Variants in DPYSL4 observed in about 807,000 individuals in gnomAD.
The protein encoded by DPYSL4 is dihydropyrimidinase-related protein 4.
DPYSL4 carries 43 observed loss-of-function variants against 63.4 expected under a neutral mutation model. The ratio of observed to expected loss-of-function variants is 0.68; its 90% confidence interval spans 0.53 to 0.88. The LOEUF (loss-of-function observed/expected upper bound fraction) is 0.88, where lower values mean the gene tolerates loss of function less well. Ranked by LOEUF, DPYSL4 falls within the 40% of genes least tolerant of loss-of-function variation. The pLI is 0.00. For missense variants in DPYSL4, 733 were observed against 819.5 expected, an observed-to-expected ratio of 0.89 and a Z score of 1.29; for synonymous variants, 353 against 331.7, an observed-to-expected ratio of 1.06 and a Z score of -0.70.
intron 13 of DPYSL4, among the ~76,000 whole-genome samples, chr10:132,204,131 C>T (rs911607601): frequency 6.6e-6 from 1 of 152,232 alleles, no homozygotes; most frequent in Admixed American, 6.5e-5. Context: ...CGCTGTCTGC[C>T]CAGGGCAGCT....
At chr10:132,187,537 TC>T (rs2061819696) in intron 1 of DPYSL4, among the ~76,000 whole-genome samples, 1 of 152,006 alleles carries the variant, frequency 6.6e-6, no homozygotes, top group Non-Finnish European at 1.5e-5. Flanking sequence ...CCCGGGCTGG[TC>T]CGGGGCGCGG....
intron 10 of DPYSL4, among the ~76,000 whole-genome samples, chr10:132,201,478 T>C (rs999744714): frequency 1.3e-5 from 2 of 152,210 alleles, no homozygotes; most frequent in African/African-American, 4.8e-5. Context: ...AGCTCCACTC[T>C]CGCTGAACCT....
rs1236999360 is a variant in DPYSL4 at position 132,202,727 on chromosome 10, G to C, written c.1363G>C (p.Glu455Gln). The change falls in exon 12 of 14, where the codon GAG becomes CAG. Residue 455 changes from glutamate to glutamine, a missense_variant. Physicochemically the swap from Glu to Gln is conservative, Grantham distance 29. Coordinates refer to ENST00000338492, the MANE Select transcript of DPYSL4 (RefSeq NM_006426.3). Reference sequence around the variant, plus strand: ...CATAAGTCAGGGCCGAGTGGCGCTGGAGGACGGGAAGATGTTTGTCACCCC... The same window carrying C: ...CATAAGTCAGGGCCGAGTGGCGCTGCAGGACGGGAAGATGTTTGTCACCCC... ...VVISQGRVAL[E>Q]DGKMFVTPGA... 5 of 1,613,454 alleles carry C rather than the reference G, an allele frequency of 3.1e-6. No homozygotes were observed. Among genetic ancestry groups the C allele is most frequent in the Non-Finnish European group, 4.2e-6 (5 of 1,179,986 alleles).
intron 4 of DPYSL4, among the ~76,000 whole-genome samples, chr10:132,195,968 G>T (rs1336944206): frequency 6.6e-6 from 1 of 152,238 alleles, no homozygotes; most frequent in Non-Finnish European, 1.5e-5. Context: ...ACGGGGTAGT[G>T]TTGCAGGGAC....
Position 132,192,861 on chromosome 10 carries a change from T to C in DPYSL4, c.313+19T>C. On this transcript the variant is annotated intron_variant, in intron 3 of 13. Coordinates refer to ENST00000338492, the MANE Select transcript of DPYSL4 (RefSeq NM_006426.3). Reference sequence around the variant, plus strand: ...ATGATCTGTGAGTGTCTGGGTCTCCTCCTCTACAGGGGGCAGCCAGCGTCT... The same window carrying C: ...ATGATCTGTGAGTGTCTGGGTCTCCCCCTCTACAGGGGGCAGCCAGCGTCT... 6.3e-7 allele frequency: 1 copy of C among 1,587,058 alleles called. No individual in the cohort carries two copies.
intron 8 of DPYSL4, among the ~76,000 whole-genome samples, chr10:132,199,376 G>A (rs1415082917): frequency 1.3e-5 from 2 of 152,180 alleles, no homozygotes; most frequent in Non-Finnish European, 2.9e-5. Context: ...GCCAGCTGGA[G>A]CCTGGCACTG....
intron 12 of DPYSL4, among the ~76,000 whole-genome samples, chr10:132,203,157 G>A (rs532026073): frequency 1.1e-4 from 17 of 152,364 alleles, no homozygotes; most frequent in African/African-American, 4.1e-4. Flanking sequence ...CCCCACGGGA[G>A]CTGCCCAGTT....
chr10:132,192,519 C>T lies in DPYSL4; in HGVS notation c.129-139C>T, dbSNP rs113407635. The T allele has an allele frequency of 2.3e-5, 33 of 1,417,628 alleles. No homozygotes were observed. The African/African-American group carries it at 4.0e-4, about 17-fold the overall frequency. 87.8% of individuals were successfully genotyped at this position (1,417,628 alleles called of 1,614,324 possible). On this transcript the variant is annotated intron_variant, in intron 2 of 13. Transcript: ENST00000338492. ...CCCTGGCACTCCCGAGGAGCTAGTC[C>T]AGTGAGTGGCCGGCCGTGCTGGCCT... is the stretch of plus-strand genomic sequence containing the variant.
chr10:132,192,842 TGTGA>T lies in DPYSL4; in HGVS notation c.313+4_313+7del. On this transcript the variant is annotated splice_donor_variant and splice_donor_region_variant and intron_variant, in intron 3 of 13. Coordinates refer to ENST00000338492, the MANE Select transcript of DPYSL4 (RefSeq NM_006426.3). LOFTEE classifies it high-confidence loss of function. ...GCTAGCAGGAGGAACCACCATGATCTGTGAGTGTCTGGGTCTCCTCCTCTACAGG... is the reference window on the plus strand; with the variant it reads ...GCTAGCAGGAGGAACCACCATGATCTGTGTCTGGGTCTCCTCCTCTACAGG... 6.2e-7 allele frequency: 1 copy of T among 1,605,596 alleles called. No homozygotes were observed. Among genetic ancestry groups the T allele is most frequent in the Non-Finnish European group, 8.5e-7 (1 of 1,175,820 alleles).
chr10:132,197,032 C>T lies in DPYSL4; in HGVS notation c.552C>T (p.Ile184=), dbSNP rs772648880. The stretch of plus-strand genomic sequence containing the variant: ...ACTTCTCTTCCCAGATGTACGAGAT[C>T]TTCAGCATCATCCGGGACCTGGGGG... The part of the protein sequence containing the change: ...CQCSDSQMYE[I]FSIIRDLGAL... The change falls in exon 6 of 14, where the codon ATC becomes ATT. Residue 184 remains isoleucine (I), a synonymous_variant. Coordinates refer to ENST00000338492, the MANE Select transcript of DPYSL4 (RefSeq NM_006426.3). 5.6e-6 allele frequency: 9 copies of T among 1,604,506 alleles called. No individual in the cohort carries two copies. Among genetic ancestry groups the T allele is most frequent in the Non-Finnish European group, 6.8e-6 (8 of 1,174,586 alleles).
intron 1 of DPYSL4, among the ~76,000 whole-genome samples, chr10:132,189,227 G>A (rs562309062): frequency 7.9e-5 from 12 of 152,378 alleles, no homozygotes; most frequent in African/African-American, 1.4e-4. Context: ...GTTGCAGGGC[G>A]TGCTGAGGCG....
rs763656593 is a variant in DPYSL4 at position 132,200,842 on chromosome 10, C to T, written c.969C>T (p.Ser323=). 2.2e-5 allele frequency: 35 copies of T among 1,611,452 alleles called. No homozygotes were observed. Among genetic ancestry groups the T allele is most frequent in the Middle Eastern group, 1.7e-4 (1 of 5,948 alleles). Residue 323 remains serine, a splice_region_variant and synonymous_variant, in exon 10 of 14, where the codon AGC becomes AGT. Transcript: ENST00000338492. ...CCCTCTGACCCTGGCTTGTTTCCAG[C>T]GGGGACCTCCAGGTGACAGGCAGCG... ...TADHLTCLLS[S]GDLQVTGSAH...
rs757817249 is a variant in DPYSL4 at position 132,202,605 on chromosome 10, C to T, written c.1282-41C>T. On this transcript the variant is annotated intron_variant, in intron 11 of 13. Coordinates refer to ENST00000338492, the MANE Select transcript of DPYSL4 (RefSeq NM_006426.3). ...CTCAACGGGGATGGGACTGTTGGGCCCCAGCGTGGAGGCACTGGACCCTCG... is the reference window on the plus strand; with the variant it reads ...CTCAACGGGGATGGGACTGTTGGGCTCCAGCGTGGAGGCACTGGACCCTCG... The T allele has an allele frequency of 1.9e-6, 3 of 1,605,670 alleles. No individual in the cohort carries two copies. The South Asian group carries it at 3.3e-5, about 18-fold the overall frequency.
In DPYSL4 at chr10:132,205,333, C is replaced by T. The variant is rs118033472; in HGVS notation, c.*403C>T. The T allele has an allele frequency of 1.4e-3, 231 of 164,774 alleles. No individual in the cohort carries two copies. Among genetic ancestry groups the T allele is most frequent in the Middle Eastern group, 2.9e-3 (1 of 342 alleles). 10.2% of individuals were successfully genotyped at this position (164,774 alleles called of 1,614,324 possible). On this transcript the variant is annotated 3_prime_UTR_variant, in exon 14 of 14. Coordinates refer to ENST00000338492, the MANE Select transcript of DPYSL4 (RefSeq NM_006426.3). ...GTCCCGCCTGGTGGGCATTTGCCGC[C>T]GCCTCCCCACCACCAGTCACTGCCT...
chr10:132,187,332 C>A (rs2061811998), intron 1 of DPYSL4, among the ~76,000 whole-genome samples: 1 of 69,450 alleles, frequency 1.4e-5, no homozygotes, highest in African/African-American at 4.4e-5. Flanking sequence ...CCAGGCCCGG[C>A]CCGGCCCGGC....
Position 132,202,002 on chromosome 10 carries a change from CAA to C in DPYSL4, c.1170_1171del (p.Lys390AsnfsTer16). The C allele has an allele frequency of 6.2e-7, 1 of 1,613,378 alleles. No homozygotes were observed. Among genetic ancestry groups the C allele is most frequent in the Non-Finnish European group, 8.5e-7 (1 of 1,179,976 alleles). ...TCGCGGTGACCAGTACAAATGCTGCCAAAATCTTCAATTTTTACCCAAGGAAG... is the reference window on the plus strand; with the variant it reads ...TCGCGGTGACCAGTACAAATGCTGCCAATCTTCAATTTTTACCCAAGGAAG... ...FVAVTSTNAA[K>X]IFNFYPRKGR... On this transcript the variant is annotated frameshift_variant, in exon 11 of 14. Coordinates refer to ENST00000338492, the MANE Select transcript of DPYSL4 (RefSeq NM_006426.3). LOFTEE classifies it high-confidence loss of function.
In DPYSL4 at chr10:132,187,013, G is replaced by T. The variant is rs1231370342; in HGVS notation, c.-51G>T. The T allele has an allele frequency of 4.0e-5, 3 of 74,130 alleles. No homozygotes were observed. The highest frequency in any genetic ancestry group is 1.8e-4 in the East Asian group (1 of 5,654). The allele number at this position is 74,130 out of a possible 1,614,324, so 4.6% of individuals were successfully genotyped here. ...CACGCGTCCCCCCGCCCGCCCGCCC[G>T]CCCGCCCGCCCCCGCTTGTGCCGCC... is the stretch of plus-strand genomic sequence containing the variant. On this transcript the variant is annotated 5_prime_UTR_variant, in exon 1 of 14. Transcript: ENST00000338492.
rs760997313 is a variant in DPYSL4 at position 132,200,414 on chromosome 10, C to T, written c.870C>T (p.Tyr290=). 5.0e-6 allele frequency: 8 copies of T among 1,613,606 alleles called. No homozygotes were observed. Among genetic ancestry groups the T allele is most frequent in the South Asian group, 1.1e-5 (1 of 91,084 alleles). The part of the protein sequence containing the change: ...TASLGTDGSH[Y]WSKNWAKAAA... The stretch of plus-strand genomic sequence containing the variant: ...GCCTGGGCACCGACGGTTCACACTA[C>T]TGGAGCAAGAACTGGGCCAAGGCCG... The change falls in exon 9 of 14, where the codon TAC becomes TAT. Residue 290 remains tyrosine, a synonymous_variant. Transcript: ENST00000338492.
intron 3 of DPYSL4, 143 bp downstream of exon 3, chr10:132,192,985 G>A (rs1393163607): frequency 1.2e-6 from 1 of 842,048 alleles, no homozygotes; most frequent in African/African-American, 1.7e-5. Context: ...CTGAGAACCT[G>A]GAGTGCTTTT....
Sources: gnomAD v4.1 joint callset for allele counts (sites outside exome capture counted in the v4.1 genomes callset) on GRCh38, gnomAD v4.1.1 for gene constraint, MANE v1.5 for transcripts, NCBI Gene and HGNC (gene_info 2026-07-23, HGNC 2026-07-21) for gene names.